The following MAST4 variants were observed in gnomAD, a reference collection of about 807,000 sequenced individuals.
MAST4 encodes the protein microtubule-associated serine/threonine-protein kinase 4.
MAST4 carries 89 observed loss-of-function variants against 162.7 expected under a neutral mutation model. The observed-to-expected ratio is 0.55, with a 90% confidence interval of 0.46 to 0.65. The LOEUF (loss-of-function observed/expected upper bound fraction) is 0.65, where lower values mean the gene tolerates loss of function less well. Ranked by LOEUF, MAST4 falls within the 30% of genes least tolerant of loss-of-function variation. MAST4 has a pLI of 0.00. For missense variants in MAST4, 3,153 were observed against 3,374.0 expected (o/e 0.93, Z 1.62); for synonymous variants, 1,479 against 1,361.1 (o/e 1.09, Z -1.91).
At chr5:66,924,029 T>C (rs569144782) in intron 4 of MAST4, among the ~76,000 whole-genome samples, 1 of 152,350 alleles carries the variant, frequency 6.6e-6, no homozygotes, top group East Asian at 1.9e-4. Context: ...AATCTTTCAG[T>C]GAATGACATA....
intron 3 of MAST4, among the ~76,000 whole-genome samples, chr5:66,848,705 T>A (rs980880853): frequency 3.9e-5 from 6 of 152,220 alleles, no homozygotes; most frequent in Admixed American, 3.9e-4. Flanking sequence ...AGTGATTTTT[T>A]AAAATTCTCT....
chr5:66,742,452 T>C (rs1000214754), intron 1 of MAST4, among the ~76,000 whole-genome samples: 1 of 152,118 alleles, frequency 6.6e-6, no homozygotes, highest in African/African-American at 2.4e-5. Flanking sequence ...TAAAATTGTT[T>C]ATAGACATGG....
At chr5:66,668,279 A>G (rs1185459693) in intron 1 of MAST4, among the ~76,000 whole-genome samples, 1 of 152,216 alleles carries the variant, frequency 6.6e-6, no homozygotes, top group Non-Finnish European at 1.5e-5. Flanking sequence ...TTTTATCCCG[A>G]GAGTCTTGTT....
chr5:67,017,712 G>A (rs768855209), intron 4 of MAST4, among the ~76,000 whole-genome samples: 1 of 148,856 alleles, frequency 6.7e-6, no homozygotes, highest in African/African-American at 2.5e-5. Flanking sequence ...CAAGTGATTC[G>A]CCTGCCTCGG....
chr5:66,693,695 A>T lies in MAST4; in HGVS notation c.364-66014A>T, dbSNP rs991025021. Among the ~76,000 whole-genome samples, 193 of 152,374 alleles carry T rather than the reference A, an allele frequency of 1.3e-3. 1 individual carries two copies. Among genetic ancestry groups the T allele is most frequent in the African/African-American group, 4.5e-3 (189 of 41,586 alleles). The stretch of plus-strand genomic sequence containing the variant: ...GCTAGATGCTATCAAATGTCTTAAG[A>T]TTATTAAACAAAGAGCTAGACGCTA... On this transcript the variant is annotated intron_variant, in intron 1 of 28. Coordinates refer to ENST00000403625, the MANE Select transcript of MAST4 (RefSeq NM_001164664.2).
intron 3 of MAST4, among the ~76,000 whole-genome samples, chr5:66,852,333 C>T (rs749125297): frequency 9.9e-5 from 15 of 152,030 alleles, no homozygotes; most frequent in Admixed American, 4.6e-4. Context: ...TTTGTTGAGA[C>T]GGGGTTTTGC....
At chr5:67,043,712 A>G (rs1019482143) in intron 4 of MAST4, among the ~76,000 whole-genome samples, 2 of 152,248 alleles carry the variant, frequency 1.3e-5, no homozygotes, top group African/African-American at 4.8e-5. Flanking sequence ...AAAAAACGGA[A>G]GTTAAAAACA....
chr5:66,827,490 C>T (rs1447836016), intron 3 of MAST4, among the ~76,000 whole-genome samples: 2 of 152,140 alleles, frequency 1.3e-5, no homozygotes, highest in African/African-American at 4.8e-5. Flanking sequence ...TCATAAATCC[C>T]TGAGCTATTT....
At chr5:66,847,838 A>G (rs926218253) in intron 3 of MAST4, among the ~76,000 whole-genome samples, 1 of 150,972 alleles carries the variant, frequency 6.6e-6, no homozygotes, top group Non-Finnish European at 1.5e-5. Flanking sequence ...AAAAAAAAAA[A>G]AAAAAGAAAA....
intron 3 of MAST4, among the ~76,000 whole-genome samples, chr5:66,897,298 T>C (rs534708639): frequency 6.6e-6 from 1 of 152,342 alleles, no homozygotes; most frequent in South Asian, 2.1e-4. Flanking sequence ...TATCTAAGTA[T>C]GTGTTAGTGA....
At chr5:67,043,496 T>C (rs1030649887) in intron 4 of MAST4, among the ~76,000 whole-genome samples, 2 of 152,212 alleles carry the variant, frequency 1.3e-5, no homozygotes, top group Non-Finnish European at 2.9e-5. Context: ...ATTTAAGTTA[T>C]TGCATTAACT....
At chr5:66,732,717 G>A (rs1245702255) in intron 1 of MAST4, among the ~76,000 whole-genome samples, 1 of 152,094 alleles carries the variant, frequency 6.6e-6, no homozygotes, top group Non-Finnish European at 1.5e-5. Flanking sequence ...TGGGGATTGG[G>A]GACAGAGATT....
intron 4 of MAST4, among the ~76,000 whole-genome samples, chr5:66,968,342 C>T (rs1241005723): frequency 6.6e-6 from 1 of 152,180 alleles, no homozygotes; most frequent in East Asian, 1.9e-4. Context: ...ACACAGTCAG[C>T]TATGCCAGAG....
intron 1 of MAST4, among the ~76,000 whole-genome samples, chr5:66,744,249 G>C (rs919093673): frequency 6.6e-6 from 1 of 151,976 alleles, no homozygotes; most frequent in African/African-American, 2.4e-5. Flanking sequence ...TTTTAACCAC[G>C]TGGGGCCCCT....
In MAST4 at chr5:67,168,360, A is replaced by AT. The variant is rs944483166; in HGVS notation, c.*1314dup. ...AAATACTGTCTTAATACAGAGCAGC[A>AT]TTTTTGTAACAAAGAGACTCGCTGG... On this transcript the variant is annotated 3_prime_UTR_variant, in exon 29 of 29. Transcript: ENST00000403625. 1.3e-5 allele frequency: 2 copies of AT among 152,176 alleles called. No homozygotes were observed. Among genetic ancestry groups the AT allele is most frequent in the African/African-American group, 4.8e-5 (2 of 41,450 alleles). 9.4% of individuals were successfully genotyped at this position (152,176 alleles called of 1,614,324 possible).
chr5:66,720,520 T>C (rs921909632), intron 1 of MAST4, among the ~76,000 whole-genome samples: 1 of 152,188 alleles, frequency 6.6e-6, no homozygotes, highest in Non-Finnish European at 1.5e-5. Flanking sequence ...TTATATATTC[T>C]GTATACTTGT....
intron 4 of MAST4, among the ~76,000 whole-genome samples, chr5:66,991,362 CTGGGTCCCA>C (rs1378342490): frequency 1.3e-5 from 2 of 152,204 alleles, no homozygotes; most frequent in East Asian, 3.8e-4. Flanking sequence ...GGCATAACCC[CTGGGTCCCA>C]TGTTGATAGA....
At chr5:66,718,294 G>A (rs1750980656) in intron 1 of MAST4, among the ~76,000 whole-genome samples, 1 of 150,088 alleles carries the variant, frequency 6.7e-6, no homozygotes, top group South Asian at 2.1e-4. Flanking sequence ...ACCTTTTACA[G>A]CTTGTCTTTC....
chr5:66,838,779 G>C (rs1034495348), intron 3 of MAST4, among the ~76,000 whole-genome samples: 1 of 152,158 alleles, frequency 6.6e-6, no homozygotes, highest in Non-Finnish European at 1.5e-5. Context: ...TGAACAGGGT[G>C]CATCTTTTTC....
Sources: gnomAD v4.1 joint callset for allele counts (sites outside exome capture counted in the v4.1 genomes callset) on GRCh38, gnomAD v4.1.1 for gene constraint, MANE v1.5 for transcripts, NCBI Gene and HGNC (gene_info 2026-07-23, HGNC 2026-07-21) for gene names.